DEPDC5: variants seen among roughly 807,000 people sequenced by gnomAD.
The protein encoded by DEPDC5 is GATOR1 complex protein DEPDC5.
In DEPDC5, 73 loss-of-function variants were observed where a neutral mutation model predicts 217.3. The observed-to-expected ratio is 0.34, with a 90% confidence interval of 0.28 to 0.41. The LOEUF (loss-of-function observed/expected upper bound fraction) is 0.41, where lower values mean the gene tolerates loss of function less well. Among genes scored for constraint, DEPDC5 ranks in the 10% least tolerant of loss-of-function variants. The pLI is 1.00. For synonymous variants in DEPDC5, 733 were observed against 756.7 expected (o/e 0.97, Z 0.51); for missense variants, 1,675 against 2,070.1 (o/e 0.81, Z 3.70).
intron 7 of DEPDC5, among the ~76,000 whole-genome samples, chr22:31,776,535 T>G (rs960961672): frequency 1.3e-5 from 2 of 151,170 alleles, no homozygotes; most frequent in Admixed American, 1.3e-4. Flanking sequence ...CAGTCAAGTC[T>G]GAAAGCCATG....
chr22:31,879,872 C>A, intron 38 of DEPDC5, 120 bp downstream of exon 38: 3 of 962,546 alleles, frequency 3.1e-6, no homozygotes, highest in African/African-American at 1.6e-5. Context: ...GGCCGTCACA[C>A]AGGCCACTGT....
At chr22:31,811,157 C>T (rs1425487790) in intron 20 of DEPDC5, among the ~76,000 whole-genome samples, 1 of 152,018 alleles carries the variant, frequency 6.6e-6, no homozygotes, top group Admixed American at 6.5e-5. Flanking sequence ...GCAACTTCCG[C>T]CTCCTGGGTT....
At chr22:31,775,475 GC>G (rs1282159660) in intron 7 of DEPDC5, among the ~76,000 whole-genome samples, 3 of 152,086 alleles carry the variant, frequency 2.0e-5, no homozygotes, top group African/African-American at 7.2e-5. Flanking sequence ...ACTGCACCTG[GC>G]CTTTGTCTTC....
chr22:31,786,299 G>T (rs578165747), intron 10 of DEPDC5, among the ~76,000 whole-genome samples: 59 of 148,056 alleles, frequency 4.0e-4, no homozygotes, highest in African/African-American at 1.4e-3. Context: ...ACTGAGCCAG[G>T]TGTGGTGGCT....
rs184927134 is a variant in DEPDC5 at position 31,761,123 on chromosome 22, A to T, written c.193+421A>T. ...CAGCCTCCCAAGTAGCTGGGACTACAGGCACCTGCCACCACGCCTGGCTAA... is the reference window on the plus strand; with the variant it reads ...CAGCCTCCCAAGTAGCTGGGACTACTGGCACCTGCCACCACGCCTGGCTAA... On this transcript the variant is annotated intron_variant, in intron 4 of 42. Transcript: ENST00000651528. 2.6e-3 allele frequency among the ~76,000 whole-genome samples: 396 copies of T among 152,134 alleles called. 3 individuals carry two copies. The highest frequency in any genetic ancestry group is 8.7e-3 in the African/African-American group (359 of 41,494).
chr22:31,804,951 G>A (rs781097536), intron 17 of DEPDC5, 36 bp downstream of exon 17: 31 of 1,564,616 alleles, frequency 2.0e-5, no homozygotes, highest in African/African-American at 4.1e-5. Context: ...GGTGATAAGC[G>A]TTTTGAACAG....
At chr22:31,825,394 C>T (rs976035689) in intron 24 of DEPDC5, among the ~76,000 whole-genome samples, 1 of 152,188 alleles carries the variant, frequency 6.6e-6, no homozygotes, top group African/African-American at 2.4e-5. Context: ...TAAGGGTTCC[C>T]TGGCAGACTC....
intron 34 of DEPDC5, among the ~76,000 whole-genome samples, chr22:31,871,163 G>A (rs11912177): frequency 0.023 from 3,495 of 152,286 alleles, 124 homozygotes; most frequent in African/African-American, 0.074. Flanking sequence ...CTTAGTATCC[G>A]GAGGAAAAGG....
At chr22:31,794,759 G>A (rs907864336) in intron 12 of DEPDC5, among the ~76,000 whole-genome samples, 6 of 152,110 alleles carry the variant, frequency 3.9e-5, no homozygotes, top group South Asian at 2.1e-4. Flanking sequence ...AGTGGTGCGC[G>A]CCTGTAGTTT....
At chr22:31,823,418 A>C (rs533533715) in intron 24 of DEPDC5, among the ~76,000 whole-genome samples, 2 of 152,048 alleles carry the variant, frequency 1.3e-5, no homozygotes, top group East Asian at 3.9e-4. Flanking sequence ...CTGTAGTCCC[A>C]GCTACTGGGA....
rs1005012662 is a variant in DEPDC5, at chr22:31,845,323, C to T, written c.3021+86C>T. On this transcript the variant is annotated intron_variant, in intron 30 of 42. Transcript: ENST00000651528. ...TCTATTAGGGGCCTCTCATCATCAG[C>T]CTACTTATTTACTCCTCAGCTGCCC... 1.5e-5 allele frequency: 22 copies of T among 1,488,044 alleles called. No homozygotes were observed. The African/African-American group carries it at 2.8e-4, about 19-fold the overall frequency. 92.2% of individuals were successfully genotyped at this position (1,488,044 alleles called of 1,614,324 possible).
At chr22:31,797,514 A>G (rs1601924128) in intron 12 of DEPDC5, 86 bp from the exon 13 acceptor site, 1 of 1,106,336 alleles carries the variant, frequency 9.0e-7, no homozygotes, top group East Asian at 2.4e-5. Context: ...CATGGGTATT[A>G]CAATTTGAGA....
intron 3 of DEPDC5, among the ~76,000 whole-genome samples, chr22:31,759,202 G>T (rs1419212963): frequency 6.6e-6 from 1 of 151,892 alleles, no homozygotes; most frequent in African/African-American, 2.4e-5. Flanking sequence ...AATGTGCTGG[G>T]ATTACAGGTA....
chr22:31,847,173 C>T (rs1216862210), intron 31 of DEPDC5, among the ~76,000 whole-genome samples: 1 of 152,156 alleles, frequency 6.6e-6, no homozygotes, highest in Non-Finnish European at 1.5e-5. Context: ...TAGATTGGGA[C>T]TTAATTTTAA....
chr22:31,791,402 C>T (rs896877623), intron 10 of DEPDC5, among the ~76,000 whole-genome samples: 5 of 151,848 alleles, frequency 3.3e-5, no homozygotes, highest in Middle Eastern at 3.4e-3. Flanking sequence ...TTTGGGAGGC[C>T]GAGGCAAGCA....
intron 34 of DEPDC5, among the ~76,000 whole-genome samples, chr22:31,871,973 G>A (rs1488046074): frequency 6.6e-6 from 1 of 152,214 alleles, no homozygotes; most frequent in Non-Finnish European, 1.5e-5. Context: ...TTAGAAGGAA[G>A]TTCATTTCAA....
intron 23 of DEPDC5, 142 bp downstream of exon 23, chr22:31,821,779 C>A: frequency 8.3e-7 from 1 of 1,200,210 alleles, no homozygotes; most frequent in Non-Finnish European, 1.1e-6. Context: ...CTTTGTTGGC[C>A]AGTGGCATTC....
chr22:31,772,583 G>C (rs2083455947), intron 7 of DEPDC5, among the ~76,000 whole-genome samples: 1 of 152,044 alleles, frequency 6.6e-6, no homozygotes, highest in African/African-American at 2.4e-5. Flanking sequence ...TAGATCTCAG[G>C]TCTATTGCAT....
intron 31 of DEPDC5, among the ~76,000 whole-genome samples, chr22:31,856,720 G>A (rs574270380): frequency 1.3e-5 from 2 of 152,284 alleles, no homozygotes; most frequent in East Asian, 1.9e-4. Context: ...CCTTCAAAAT[G>A]TATAGAGAAT....
Sources: gnomAD v4.1 joint callset for allele counts (sites outside exome capture counted in the v4.1 genomes callset) on GRCh38, gnomAD v4.1.1 for gene constraint, MANE v1.5 for transcripts, NCBI Gene and HGNC (gene_info 2026-07-23, HGNC 2026-07-21) for gene names.